AK3: variants seen among roughly 807,000 people sequenced by gnomAD.
AK3 encodes GTP:AMP phosphotransferase AK3, mitochondrial.
In AK3, 27 loss-of-function variants were observed where a neutral mutation model predicts 23.7. The observed-to-expected ratio is 1.14, with a 90% CI of 0.84 to 1.57. AK3 has a LOEUF of 1.57. Among genes scored for constraint, AK3 ranks in the 40% most tolerant of loss-of-function variants. AK3 has a pLI of 0.00. For missense variants in AK3, 406 were observed against 285.6 expected, an observed-to-expected ratio of 1.42 and a Z score of -3.04; for synonymous variants, 159 against 116.0, an observed-to-expected ratio of 1.37 and a Z score of -2.38.
intron 4 of AK3, among the ~76,000 whole-genome samples, chr9:4,717,822 G>T (rs565552673): frequency 1.1e-4 from 17 of 152,282 alleles, no homozygotes; most frequent in Admixed American, 4.6e-4. Flanking sequence ...ATGGTGCTTG[G>T]TATTTTCAAA....
At chr9:4,736,888 G>T (rs1842307191) in intron 1 of AK3, among the ~76,000 whole-genome samples, 1 of 152,094 alleles carries the variant, frequency 6.6e-6, no homozygotes, top group Non-Finnish European at 1.5e-5. Context: ...ATGTTACCCA[G>T]GCTAGTCTCA....
At chr9:4,731,574 TAA>T (rs33935556) in intron 1 of AK3, among the ~76,000 whole-genome samples, 1 of 146,638 alleles carries the variant, frequency 6.8e-6, no homozygotes, top group Non-Finnish European at 1.5e-5. Flanking sequence ...GAAGCTTACT[TAA>T]AAAAAAAAAA....
chr9:4,712,810 G>C lies in AK3; in HGVS notation c.*166C>G. ...TTTCAAACGATGCATCTTAGTATCC[G>C]AATCATTTGGCACATCCTTAGTATC... On this transcript the variant is annotated 3_prime_UTR_variant, in exon 5 of 5. Transcript: ENST00000381809. 1 of 690,518 alleles carries C rather than the reference G, an allele frequency of 1.4e-6. No homozygotes were observed. Among genetic ancestry groups the C allele is most frequent in the Non-Finnish European group, 2.2e-6 (1 of 453,082 alleles). 42.8% of individuals were successfully genotyped at this position (690,518 alleles called of 1,614,324 possible).
chr9:4,734,666 C>T (rs1433908655), intron 1 of AK3, among the ~76,000 whole-genome samples: 1 of 152,158 alleles, frequency 6.6e-6, no homozygotes, highest in East Asian at 1.9e-4. Context: ...CATGACCAGG[C>T]TTACCTTTTT....
In AK3 at chr9:4,710,694, G is replaced by C. The variant is rs1212562466; in HGVS notation, c.*2282C>G. On this transcript the variant is annotated 3_prime_UTR_variant, in exon 5 of 5. Transcript: ENST00000381809. ...AGCACTTGGGAAGCTGAATCAGGAA[G>C]ACTGTTTGAGGCCAGGAGACTAGCC... The C allele has an allele frequency of 6.6e-6, 1 of 152,106 alleles. No homozygotes were observed. The highest frequency in any genetic ancestry group is 1.5e-5 in the Non-Finnish European group (1 of 68,036). 9.4% of individuals were successfully genotyped at this position (152,106 alleles called of 1,614,324 possible).
At chr9:4,735,778 T>C (rs908199719) in intron 1 of AK3, among the ~76,000 whole-genome samples, 2 of 52,384 alleles carry the variant, frequency 3.8e-5, no homozygotes, top group Non-Finnish European at 6.9e-5. Context: ...CAAAAAAATA[T>C]TTTAAAAAGA....
rs1235694439 is a variant in AK3, at chr9:4,722,552, G to T, written c.225C>A (p.Ala75=). Residue 75 remains alanine, a synonymous_variant, in exon 2 of 5, where the codon GCC becomes GCA. Coordinates refer to ENST00000381809, the MANE Select transcript of AK3 (RefSeq NM_016282.4). The part of the protein sequence containing the change: ...LIPDDVMTRL[A]LHELKNLTQY... ...GGGTGAGATTTTTCAGCTCATGAAG[G>T]GCCAGCCGAGTCATGACATCATCTG... The T allele has an allele frequency of 1.9e-6, 3 of 1,614,158 alleles. No homozygotes were observed. The highest frequency in any genetic ancestry group is 3.3e-5 in the Admixed American group (2 of 60,022).
At chr9:4,718,130 G>C (rs2130877628) in intron 4 of AK3, among the ~76,000 whole-genome samples, 1 of 152,300 alleles carries the variant, frequency 6.6e-6, no homozygotes. Context: ...GGAAGCCCTG[G>C]CTGTTCCTAC....
rs1419127278 is a variant in AK3 at position 4,710,781 on chromosome 9, A to G, written c.*2195T>C. 2 of 152,030 alleles carry G rather than the reference A, an allele frequency of 1.3e-5. No individual in the cohort carries two copies. The highest frequency in any genetic ancestry group is 4.8e-5 in the African/African-American group (2 of 41,360). 9.4% of individuals were successfully genotyped at this position (152,030 alleles called of 1,614,324 possible). A position where few individuals can be genotyped will look rare whatever the true frequency, so the allele number is the denominator to read the frequency against. Reference sequence around the variant, plus strand: ...TAAAATTAGCCAGGCATGGTGGTACATACCTGTAGTTTCAGCTACTTGGGA... The same window carrying G: ...TAAAATTAGCCAGGCATGGTGGTACGTACCTGTAGTTTCAGCTACTTGGGA... On this transcript the variant is annotated 3_prime_UTR_variant, in exon 5 of 5. Coordinates refer to ENST00000381809, the MANE Select transcript of AK3 (RefSeq NM_016282.4).
At chr9:4,732,880 T>G (rs1427598931) in intron 1 of AK3, among the ~76,000 whole-genome samples, 3 of 151,896 alleles carry the variant, frequency 2.0e-5, no homozygotes, top group Non-Finnish European at 4.4e-5. Context: ...CTTTTTTTTT[T>G]TTTTTCCAAA....
chr9:4,729,689 T>A (rs1197747541), intron 1 of AK3, among the ~76,000 whole-genome samples: 1 of 151,856 alleles, frequency 6.6e-6, no homozygotes, highest in African/African-American at 2.4e-5. Flanking sequence ...AATACGGGCA[T>A]GGTGGTGCAT....
rs138610203 is a variant in AK3, at chr9:4,738,124, G to A, written c.151+2813C>T. ...ACAAACAATAGTTAACAACATACGC[G>A]TCCAATAAAAATGTTTAATAACTAT... On this transcript the variant is annotated intron_variant, in intron 1 of 4. Transcript: ENST00000381809. Among the ~76,000 whole-genome samples, 692 of 152,204 alleles carry A rather than the reference G, an allele frequency of 4.5e-3. 7 individuals are homozygous for A. The highest frequency in any genetic ancestry group is 0.023 in the East Asian group (117 of 5,188).
At position 4,741,128 on chromosome 9, in the gene AK3, T is replaced by G. The variant is rs1237743934; in HGVS notation, c.-41A>C. On this transcript the variant is annotated 5_prime_UTR_variant, in exon 1 of 5. Transcript: ENST00000381809. The stretch of plus-strand genomic sequence containing the variant: ...CCCGCACCGCGCGGGTACCAGGGCT[T>G]TGGCCTGGCCTGCGCGCTCACCCGC... The G allele has an allele frequency of 6.9e-7, 1 of 1,457,076 alleles. No individual in the cohort carries two copies. Among genetic ancestry groups the G allele is most frequent in the Non-Finnish European group, 9.1e-7 (1 of 1,104,456 alleles). 90.3% of individuals were successfully genotyped at this position (1,457,076 alleles called of 1,614,324 possible).
intron 1 of AK3, among the ~76,000 whole-genome samples, chr9:4,723,117 ATTC>A (rs1304093370): frequency 6.6e-6 from 1 of 152,230 alleles, no homozygotes; most frequent in Non-Finnish European, 1.5e-5. Context: ...TAAACTTCAG[ATTC>A]TTCATTATGG....
intron 1 of AK3, 124 bp from the exon 2 acceptor site, chr9:4,722,749 A>C (rs2130887344): frequency 7.1e-7 from 1 of 1,405,014 alleles, no homozygotes; most frequent in African/African-American, 1.4e-5. Flanking sequence ...TGCATCATCA[A>C]CTTTTCTGAT....
At chr9:4,716,337 G>A (rs1277796042) in intron 4 of AK3, among the ~76,000 whole-genome samples, 1 of 152,216 alleles carries the variant, frequency 6.6e-6, no homozygotes, top group Non-Finnish European at 1.5e-5. Context: ...CTAGCACAGT[G>A]TCAAGAGAGT....
chr9:4,741,204 C>T, upstream of AK3: 2 of 1,171,066 alleles, frequency 1.7e-6, no homozygotes, highest in Non-Finnish European at 2.2e-6. Flanking sequence ...GCGGCTACTG[C>T]GGTTCCCCGG....
chr9:4,730,403 AT>A (rs796703140), intron 1 of AK3, among the ~76,000 whole-genome samples: 2 of 150,946 alleles, frequency 1.3e-5, no homozygotes, highest in Non-Finnish European at 3.0e-5. Context: ...AAGAAAAAAA[AT>A]AAAAAAACCA....
rs935661596 is a variant in AK3, at chr9:4,734,477, G to C, written c.151+6460C>G. Among the ~76,000 whole-genome samples the C allele has an allele frequency of 3.9e-5, 6 of 152,134 alleles. 1 individual carries two copies. Among genetic ancestry groups the C allele is most frequent in the African/African-American group, 1.4e-4 (6 of 41,428 alleles). ...CCTAGCACATATCTGATGCTTAAAG[G>C]ATCCACGGATAGTTGCCTGAATGAA... On this transcript the variant is annotated intron_variant, in intron 1 of 4. Coordinates refer to ENST00000381809, the MANE Select transcript of AK3 (RefSeq NM_016282.4).
Sources: gnomAD v4.1 joint callset for allele counts (sites outside exome capture counted in the v4.1 genomes callset) on GRCh38, gnomAD v4.1.1 for gene constraint, MANE v1.5 for transcripts, NCBI Gene and HGNC (gene_info 2026-07-23, HGNC 2026-07-21) for gene names.